EHD4: variants seen among roughly 807,000 people sequenced by gnomAD.
The protein encoded by EHD4 is EH domain-containing protein 4.
EHD4 carries 37 observed loss-of-function variants against 51.0 expected under a neutral mutation model. That is an observed-to-expected ratio of 0.73 (90% CI 0.56 to 0.95). EHD4 has a LOEUF of 0.95. Ranked by LOEUF, EHD4 falls within the 40% of genes least tolerant of loss-of-function variation. The pLI, the probability that EHD4 is intolerant of heterozygous loss-of-function variation, is 0.00. For missense variants in EHD4, 632 were observed against 733.1 expected, an observed-to-expected ratio of 0.86 and a Z score of 1.59; for synonymous variants, 297 against 317.3, an observed-to-expected ratio of 0.94 and a Z score of 0.68.
At chr15:41,948,248 G>A (rs117147629) in intron 2 of EHD4, among the ~76,000 whole-genome samples, 8,879 of 151,648 alleles carry the variant, frequency 0.059, 354 homozygotes, top group Admixed American at 0.097. Context: ...GCAAGACTCC[G>A]CCTCCAAAAA....
intron 3 of EHD4, among the ~76,000 whole-genome samples, chr15:41,931,250 G>A (rs2067696360): frequency 1.3e-5 from 2 of 152,320 alleles, no homozygotes; most frequent in South Asian, 4.1e-4. Context: ...AGTGGCTCAT[G>A]CCTGCAATCC....
intron 4 of EHD4, among the ~76,000 whole-genome samples, chr15:41,910,665 T>C (rs958717931): frequency 7.2e-5 from 11 of 152,174 alleles, no homozygotes; most frequent in African/African-American, 2.7e-4. Context: ...CACCTCCTGG[T>C]TCAAGCGATT....
At chr15:41,964,359 T>C (rs1417723360) in intron 1 of EHD4, among the ~76,000 whole-genome samples, 1 of 152,126 alleles carries the variant, frequency 6.6e-6, no homozygotes, top group Non-Finnish European at 1.5e-5. Context: ...ACTTTGGACT[T>C]TGGGAGGCCA....
chr15:41,956,025 G>A (rs1009079141), intron 1 of EHD4, among the ~76,000 whole-genome samples: 2 of 152,218 alleles, frequency 1.3e-5, no homozygotes, highest in Non-Finnish European at 2.9e-5. Context: ...GGGCTTGGGA[G>A]AACAGCAGCC....
At chr15:41,902,195 A>G (rs1195950487) in intron 5 of EHD4, among the ~76,000 whole-genome samples, 3 of 152,080 alleles carry the variant, frequency 2.0e-5, no homozygotes, top group South Asian at 2.1e-4. Context: ...GGCTCTGTGG[A>G]TGGCACCGTA....
At chr15:41,941,263 C>A (rs1044215691) in intron 3 of EHD4, among the ~76,000 whole-genome samples, 1 of 152,126 alleles carries the variant, frequency 6.6e-6, no homozygotes, top group Non-Finnish European at 1.5e-5. Context: ...TTTCATGGAA[C>A]CCAAGTAGCT....
intron 1 of EHD4, among the ~76,000 whole-genome samples, 156 bp downstream of exon 1, chr15:41,972,103 G>A (rs1354128194): frequency 6.6e-6 from 1 of 151,724 alleles, no homozygotes; most frequent in Non-Finnish European, 1.5e-5. Flanking sequence ...GGGCTGGCCA[G>A]CCGGGGCGGG....
rs764720418 is a variant in EHD4, at chr15:41,900,956, C to T, written c.1315G>A (p.Glu439Lys). Residue 439 changes from glutamate to lysine, a missense_variant, in exon 6 of 6, where the codon GAG (glutamate) becomes AAG (lysine). Transcript: ENST00000220325. The surrounding 1 kb of genome is among the most constrained non-coding windows in gnomAD (Gnocchi z 4.8). ...TCTTTGGCCACGACCCACTCCTCCT[C>T]GTCGGCGCCCTCCTTGGCACCCTCC... ...YGEGAKEGAD[E>K]EEWVVAKDKP... 67 of 1,612,958 alleles carry T rather than the reference C, an allele frequency of 4.2e-5. 1 individual carries two copies. The highest frequency in any genetic ancestry group is 1.6e-4 in the Middle Eastern group (1 of 6,078).
intron 1 of EHD4, 47 bp from the exon 2 acceptor site, chr15:41,953,987 TA>T (rs2067870125): frequency 6.3e-7 from 1 of 1,592,400 alleles, no homozygotes; most frequent in Admixed American, 1.9e-5. Context: ...TATCACAAAG[TA>T]AGAGGCCAGA....
chr15:41,968,633 G>A (rs2067977045), intron 1 of EHD4, among the ~76,000 whole-genome samples: 1 of 151,822 alleles, frequency 6.6e-6, no homozygotes, highest in African/African-American at 2.4e-5. Flanking sequence ...GGTTCTTCTA[G>A]CTTATTTCTA....
chr15:41,900,580 G>C lies in EHD4; in HGVS notation c.*65C>G. On this transcript the variant is annotated 3_prime_UTR_variant, in exon 6 of 6. Transcript: ENST00000220325. This position sits in a 1 kb window ranked among gnomAD's most constrained non-coding sequence, Gnocchi z 4.8. Reference sequence around the variant, plus strand: ...TGCCTTGCCCAAGGTCATTCGGTGAGTCAGTGGTGGAGCAGGCCTGAGGCC... The same window carrying C: ...TGCCTTGCCCAAGGTCATTCGGTGACTCAGTGGTGGAGCAGGCCTGAGGCC... 1.4e-6 allele frequency: 2 copies of C among 1,462,358 alleles called. No individual in the cohort carries two copies. Among genetic ancestry groups the C allele is most frequent in the Non-Finnish European group, 1.8e-6 (2 of 1,099,034 alleles). 90.6% of individuals were successfully genotyped at this position (1,462,358 alleles called of 1,614,324 possible).
chr15:41,965,295 T>C (rs1308305141), intron 1 of EHD4, among the ~76,000 whole-genome samples: 2 of 152,238 alleles, frequency 1.3e-5, no homozygotes, highest in Non-Finnish European at 1.5e-5. Flanking sequence ...ATGCTCATCG[T>C]ATCATATTAA....
intron 1 of EHD4, among the ~76,000 whole-genome samples, chr15:41,955,122 G>GA (rs1305102077): frequency 6.6e-6 from 1 of 152,168 alleles, no homozygotes; most frequent in East Asian, 1.9e-4. Context: ...TAAATTTAGA[G>GA]AAAAAAATCT....
chr15:41,962,457 T>C (rs1040091314), intron 1 of EHD4, among the ~76,000 whole-genome samples: 5 of 151,360 alleles, frequency 3.3e-5, no homozygotes, highest in African/African-American at 9.7e-5. Flanking sequence ...CTCAATATAG[T>C]ATTTAATAAC....
chr15:41,932,117 G>C (rs2067703059), intron 3 of EHD4, among the ~76,000 whole-genome samples: 1 of 152,204 alleles, frequency 6.6e-6, no homozygotes, highest in East Asian at 1.9e-4. Flanking sequence ...AACGGCAAAA[G>C]ATTAGGAACA....
chr15:41,928,780 G>T (rs978641862), intron 3 of EHD4: 3 of 152,198 alleles, frequency 2.0e-5, no homozygotes, highest in African/African-American at 7.2e-5. Context: ...CCCCGAGGAA[G>T]AGGCAGTCCC....
chr15:41,933,588 C>T (rs2067712696), intron 3 of EHD4, among the ~76,000 whole-genome samples: 1 of 152,130 alleles, frequency 6.6e-6, no homozygotes, highest in African/African-American at 2.4e-5. Flanking sequence ...GCCTCTCTTC[C>T]ACCTAGAATC....
rs986079541 is a variant in EHD4, at chr15:41,948,799, C to A, written c.413+4965G>T. Among the ~76,000 whole-genome samples, 3 of 151,850 alleles carry A rather than the reference C, an allele frequency of 2.0e-5. No individual in the cohort carries two copies. The East Asian group carries it at 5.8e-4, about 29-fold the overall frequency. ...ATCCCAGCACTCTGGGAGGCCAAGGCGGGTAGACTGCTTGGGCCCAGGAGT... is the reference window on the plus strand; with the variant it reads ...ATCCCAGCACTCTGGGAGGCCAAGGAGGGTAGACTGCTTGGGCCCAGGAGT... On this transcript the variant is annotated intron_variant, in intron 2 of 5. Coordinates refer to ENST00000220325, the MANE Select transcript of EHD4 (RefSeq NM_139265.4).
intron 1 of EHD4, among the ~76,000 whole-genome samples, chr15:41,968,756 G>A (rs60311382): frequency 6.6e-6 from 1 of 152,218 alleles, no homozygotes; most frequent in Non-Finnish European, 1.5e-5. Flanking sequence ...ATGATGCTTA[G>A]TGTTGAAAGA....
Sources: allele counts gnomAD v4.1 joint callset (sites outside exome capture counted in the v4.1 genomes callset), GRCh38; gene constraint gnomAD v4.1.1; non-coding constraint Gnocchi (gnomAD v3.1); transcripts MANE v1.5; gene names NCBI Gene and HGNC (gene_info 2026-07-23, HGNC 2026-07-21).